ZNRF2: variants seen among roughly 807,000 people sequenced by gnomAD.
The protein encoded by ZNRF2 is zinc and ring finger 2, also known as E3 ubiquitin-protein ligase ZNRF2.
Under a neutral mutation model 20.4 loss-of-function variants are expected in ZNRF2, and 16 were observed. The ratio of observed to expected loss-of-function variants is 0.79; its 90% CI spans 0.53 to 1.19. ZNRF2 has a LOEUF of 1.19. ZNRF2 is among the 50% of genes most tolerant of loss of function. ZNRF2 has a pLI of 0.00. For synonymous variants in ZNRF2, 178 were observed against 144.9 expected (o/e 1.23, Z -1.64); for missense variants, 363 against 332.4 (o/e 1.09, Z -0.72).
At chr7:30,323,509 G>A (rs879537995) in intron 1 of ZNRF2, 133 bp from the exon 2 acceptor site, 13 of 512,748 alleles carry the variant, frequency 2.5e-5, no homozygotes, top group Non-Finnish European at 4.4e-5. Flanking sequence ...CCTGACTTGA[G>A]TTGCACATAA....
chr7:30,296,149 A>G (rs1478611668), intron 1 of ZNRF2, among the ~76,000 whole-genome samples: 2 of 152,348 alleles, frequency 1.3e-5, no homozygotes, highest in Non-Finnish European at 2.9e-5. Context: ...TTTAAATTAT[A>G]TATAGAAATG....
chr7:30,291,219 A>C (rs1032132611), intron 1 of ZNRF2, among the ~76,000 whole-genome samples: 3 of 152,236 alleles, frequency 2.0e-5, no homozygotes, highest in African/African-American at 7.2e-5. Flanking sequence ...GAATGATGAG[A>C]ACCTGAAGCT....
intron 1 of ZNRF2, chr7:30,289,720 A>G (rs1489563739): frequency 1.9e-6 from 1 of 515,754 alleles, no homozygotes; most frequent in Admixed American, 2.1e-5. Flanking sequence ...CTTGACTGCA[A>G]GGTGGGGAGG....
chr7:30,364,693 G>A (rs1800182282), intron 4 of ZNRF2, among the ~76,000 whole-genome samples: 1 of 152,124 alleles, frequency 6.6e-6, no homozygotes, highest in South Asian at 2.1e-4. Flanking sequence ...TGAAACTGAT[G>A]CTAACAAAAT....
intron 2 of ZNRF2, among the ~76,000 whole-genome samples, chr7:30,328,793 C>T (rs541316899): frequency 2.3e-4 from 35 of 152,118 alleles, no homozygotes; most frequent in Non-Finnish European, 4.7e-4. Flanking sequence ...GCAGCTGGCT[C>T]GGCAGAGATC....
chr7:30,333,363 CTTT>C (rs1250477674), intron 2 of ZNRF2, among the ~76,000 whole-genome samples: 4 of 130,606 alleles, frequency 3.1e-5, no homozygotes, highest in Non-Finnish European at 3.3e-5. Context: ...CATATTTTGA[CTTT>C]TTTTTTTTTT....
intron 1 of ZNRF2, among the ~76,000 whole-genome samples, chr7:30,294,863 G>A (rs917284115): frequency 1.8e-4 from 27 of 151,930 alleles, no homozygotes; most frequent in African/African-American, 6.3e-4. Context: ...ACTCAAAATA[G>A]CATTAAGTGG....
At chr7:30,318,821 C>T (rs1197843760) in intron 1 of ZNRF2, among the ~76,000 whole-genome samples, 1 of 152,100 alleles carries the variant, frequency 6.6e-6, no homozygotes, top group Non-Finnish European at 1.5e-5. Flanking sequence ...TAAAGAATGT[C>T]ATTATAGAGG....
intron 1 of ZNRF2, among the ~76,000 whole-genome samples, chr7:30,321,140 C>G (rs116077713): frequency 6.6e-6 from 1 of 152,080 alleles, no homozygotes; most frequent in Non-Finnish European, 1.5e-5. Flanking sequence ...GTTGTTTTCC[C>G]CACAGTAAAT....
At chr7:30,288,653 G>A (rs1194814643) in intron 1 of ZNRF2, 1 of 152,184 alleles carries the variant, frequency 6.6e-6, no homozygotes, top group Non-Finnish European at 1.5e-5. Flanking sequence ...AGATATTTCA[G>A]TGTGTAGAAA....
intron 1 of ZNRF2, among the ~76,000 whole-genome samples, chr7:30,293,746 T>G (rs1200921301): frequency 1.3e-5 from 2 of 152,264 alleles, no homozygotes; most frequent in African/African-American, 4.8e-5. Flanking sequence ...TTGGTGGATA[T>G]ATTTCGAGTA....
chr7:30,352,387 C>A (rs973308243), intron 2 of ZNRF2, among the ~76,000 whole-genome samples: 4 of 151,968 alleles, frequency 2.6e-5, no homozygotes, highest in Non-Finnish European at 5.9e-5. Context: ...CTAGTGCCCA[C>A]TTCTGGTTAA....
At chr7:30,356,794 C>T (rs968194831) in intron 3 of ZNRF2, among the ~76,000 whole-genome samples, 5 of 148,612 alleles carry the variant, frequency 3.4e-5, no homozygotes, top group Admixed American at 6.9e-5. Context: ...CAAGCTCCGC[C>T]TCCTGGGTTC....
chr7:30,327,154 A>G (rs971747946), intron 2 of ZNRF2, among the ~76,000 whole-genome samples: 2 of 151,956 alleles, frequency 1.3e-5, no homozygotes, highest in African/African-American at 4.8e-5. Context: ...CCATTTGTCA[A>G]TTTTTGGTTT....
rs530360324 is a variant in ZNRF2 at position 30,343,376 on chromosome 7, C to A, written c.566-12352C>A. Among the ~76,000 whole-genome samples, 117 of 152,062 alleles carry A rather than the reference C, an allele frequency of 7.7e-4. 3 individuals are homozygous for A. In the South Asian group the frequency reaches 9.1e-3, roughly 12 times the overall value. On this transcript the variant is annotated intron_variant, in intron 2 of 4. Coordinates refer to ENST00000323037, the MANE Select transcript of ZNRF2 (RefSeq NM_147128.4). ...TGCACTTCATCCTAGATGACAGAGA[C>A]CCTGTTTCAAAAAAAGGTCTTTAAT...
At chr7:30,347,645 AGAGGCTGCAGTGAGCT>A (rs1799898594) in intron 2 of ZNRF2, among the ~76,000 whole-genome samples, 1 of 152,184 alleles carries the variant, frequency 6.6e-6, no homozygotes, top group Non-Finnish European at 1.5e-5. Flanking sequence ...CCCAGGAGGC[AGAGGCTGCAGTGAGCT>A]GAGATTGTAC....
chr7:30,337,023 A>T (rs1407488192), intron 2 of ZNRF2, among the ~76,000 whole-genome samples: 1 of 152,170 alleles, frequency 6.6e-6, no homozygotes, highest in African/African-American at 2.4e-5. Context: ...TGACAAATTT[A>T]AAAAGTTTAT....
intron 2 of ZNRF2, among the ~76,000 whole-genome samples, chr7:30,345,196 T>G (rs1275775817): frequency 6.8e-6 from 1 of 146,252 alleles, no homozygotes; most frequent in African/African-American, 2.8e-5. Flanking sequence ...TCTCGTTCTC[T>G]GTAGAGAACA....
chr7:30,318,200 G>C (rs1308099292), intron 1 of ZNRF2, among the ~76,000 whole-genome samples: 1 of 152,144 alleles, frequency 6.6e-6, no homozygotes, highest in Non-Finnish European at 1.5e-5. Flanking sequence ...ACATCTGGGG[G>C]AGGGGCAGAA....
Sources: gnomAD v4.1 joint callset for allele counts (sites outside exome capture counted in the v4.1 genomes callset) on GRCh38, gnomAD v4.1.1 for gene constraint, MANE v1.5 for transcripts, NCBI Gene and HGNC (gene_info 2026-07-23, HGNC 2026-07-21) for gene names.